RBFOX1: variants seen among roughly 807,000 people sequenced by gnomAD.
RBFOX1 encodes the protein RNA binding fox-1 homolog 1.
In RBFOX1, 8 loss-of-function variants were observed where a neutral mutation model predicts 57.7. The observed-to-expected ratio is 0.14, with a 90% CI of 0.08 to 0.25. The LOEUF (loss-of-function observed/expected upper bound fraction) is 0.25, where lower values mean the gene tolerates loss of function less well. Among genes scored for constraint, RBFOX1 ranks in the 10% least tolerant of loss-of-function variants. The pLI is 1.00. For missense variants in RBFOX1, 611 were observed against 548.5 expected (o/e 1.11, Z -1.14); for synonymous variants, 326 against 222.4 (o/e 1.47, Z -4.15).
intron 2 of RBFOX1, among the ~76,000 whole-genome samples, chr16:5,554,795 G>C (rs887432944): frequency 6.6e-6 from 1 of 152,166 alleles, no homozygotes; most frequent in Non-Finnish European, 1.5e-5. Context: ...TGATGGATTT[G>C]ACAAGTTAAT....
At chr16:5,251,420 T>C (rs995156055) in intron 1 of RBFOX1, among the ~76,000 whole-genome samples, 4 of 152,218 alleles carry the variant, frequency 2.6e-5, no homozygotes, top group African/African-American at 9.6e-5. Flanking sequence ...CGTGGTTGAC[T>C]GTCATTGCTA....
chr16:7,131,402 A>C (rs2151974190), intron 4 of RBFOX1, among the ~76,000 whole-genome samples: 1 of 132,916 alleles, frequency 7.5e-6, no homozygotes, highest in Non-Finnish European at 1.5e-5. Context: ...CTGCTTAGTC[A>C]GTGCCTACTT....
intron 4 of RBFOX1, among the ~76,000 whole-genome samples, chr16:7,141,988 TCTCCTTCTTCTTC>T (rs77849451): frequency 0.33 from 49,954 of 151,662 alleles, 10,092 homozygotes; most frequent in South Asian, 0.47. Flanking sequence ...TTCTCCATCT[TCTCCTTCTTCTTC>T]CTCCTTCTTC....
At chr16:6,831,100 C>A (rs182526192) in intron 3 of RBFOX1, among the ~76,000 whole-genome samples, 4 of 152,306 alleles carry the variant, frequency 2.6e-5, no homozygotes, top group South Asian at 2.1e-4. Context: ...TGGATAGATT[C>A]ATACTACTCC....
intron 2 of RBFOX1, among the ~76,000 whole-genome samples, chr16:6,642,589 C>A (rs1056394136): frequency 1.3e-5 from 2 of 151,700 alleles, no homozygotes; most frequent in African/African-American, 4.8e-5. Flanking sequence ...CTCTCATAAC[C>A]ACACTCCAAA....
At chr16:6,248,474 A>C (rs888328250) in intron 1 of RBFOX1, among the ~76,000 whole-genome samples, 3 of 152,174 alleles carry the variant, frequency 2.0e-5, no homozygotes, top group Non-Finnish European at 4.4e-5. Context: ...ACAGCTACTA[A>C]GAGCAATGTG....
At chr16:6,850,745 C>T (rs1288869715) in intron 3 of RBFOX1, among the ~76,000 whole-genome samples, 1 of 152,156 alleles carries the variant, frequency 6.6e-6, no homozygotes, top group African/African-American at 2.4e-5. Flanking sequence ...ATACCAAATG[C>T]TGTCAAAGAT....
At chr16:6,373,726 G>C (rs1490022696) in intron 2 of RBFOX1, among the ~76,000 whole-genome samples, 1 of 152,174 alleles carries the variant, frequency 6.6e-6, no homozygotes, top group East Asian at 1.9e-4. Context: ...GGTTGGATGA[G>C]AGGAGTTGTT....
At chr16:5,293,185 G>A (rs1178406251) in intron 1 of RBFOX1, among the ~76,000 whole-genome samples, 3 of 152,044 alleles carry the variant, frequency 2.0e-5, no homozygotes, top group South Asian at 2.1e-4. Context: ...GCCAGGTGTG[G>A]TGGTGCACGC....
intron 4 of RBFOX1, among the ~76,000 whole-genome samples, chr16:7,116,526 C>T (rs189151739): frequency 6.6e-6 from 1 of 152,166 alleles, no homozygotes; most frequent in Non-Finnish European, 1.5e-5. Context: ...CTGGATTTGT[C>T]TCTGCTCCAG....
At chr16:7,544,990 G>A (rs2084022872) in intron 5 of RBFOX1, among the ~76,000 whole-genome samples, 1 of 152,184 alleles carries the variant, frequency 6.6e-6, no homozygotes, top group Non-Finnish European at 1.5e-5. Flanking sequence ...GAATGAATGA[G>A]TGAACAGAGC....
At chr16:5,810,221 T>C (rs1286317407) in intron 3 of RBFOX1, among the ~76,000 whole-genome samples, 3 of 151,982 alleles carry the variant, frequency 2.0e-5, no homozygotes, top group African/African-American at 7.3e-5. Context: ...ATATACCTAA[T>C]GCTAAATGCT....
intron 2 of RBFOX1, among the ~76,000 whole-genome samples, chr16:6,320,584 C>G (rs755537098): frequency 6.6e-6 from 1 of 151,980 alleles, no homozygotes; most frequent in African/African-American, 2.4e-5. Context: ...ATGATTACCA[C>G]AATCAAGCTA....
At chr16:5,749,831 G>C (rs531918303) in intron 3 of RBFOX1, among the ~76,000 whole-genome samples, 1 of 152,272 alleles carries the variant, frequency 6.6e-6, no homozygotes, top group South Asian at 2.1e-4. Context: ...TTAGTTCAGA[G>C]AAGTTTGATC....
At chr16:7,670,346 T>C (rs2010570) in intron 13 of RBFOX1, among the ~76,000 whole-genome samples, 71,638 of 152,004 alleles carry the variant, frequency 0.47, 18,454 homozygotes, top group Non-Finnish European at 0.58. Flanking sequence ...GGAAACTTTT[T>C]TTTCCAGAAA....
At chr16:5,908,789 G>C (rs1304740518) in intron 4 of RBFOX1, among the ~76,000 whole-genome samples, 4 of 152,044 alleles carry the variant, frequency 2.6e-5, no homozygotes, top group Non-Finnish European at 5.9e-5. Context: ...CTTAATTCCT[G>C]ATGTGAGGAT....
At chr16:7,628,418 T>C (rs1038594162) in intron 10 of RBFOX1, among the ~76,000 whole-genome samples, 9 of 152,156 alleles carry the variant, frequency 5.9e-5, no homozygotes, top group South Asian at 2.1e-4. Flanking sequence ...GGAGTACTCA[T>C]TGATAAACAC....
intron 4 of RBFOX1, among the ~76,000 whole-genome samples, chr16:7,358,281 C>T (rs1259360488): frequency 6.6e-6 from 1 of 152,164 alleles, no homozygotes; most frequent in Non-Finnish European, 1.5e-5. Flanking sequence ...GGTGGCCGTG[C>T]CACCGAAAGG....
At chr16:7,581,823 A>T (rs1370177546) in intron 6 of RBFOX1, among the ~76,000 whole-genome samples, 1 of 151,950 alleles carries the variant, frequency 6.6e-6, no homozygotes. Flanking sequence ...GGATCCTCCC[A>T]CCTCAGCCTC....
Sources: gnomAD v4.1 joint callset for allele counts (sites outside exome capture counted in the v4.1 genomes callset) on GRCh38, gnomAD v4.1.1 for gene constraint, MANE v1.5 for transcripts, NCBI Gene and HGNC (gene_info 2026-07-23, HGNC 2026-07-21) for gene names.